The following NLGN1 variants were observed in gnomAD, a reference collection of about 807,000 sequenced individuals.
NLGN1 encodes neuroligin 1, also known as neuroligin-1.
NLGN1 carries 12 observed loss-of-function variants against 65.5 expected under a neutral mutation model. That is an observed-to-expected ratio of 0.18 (90% CI 0.12 to 0.30). NLGN1 has a LOEUF of 0.30. NLGN1 is among the 10% of genes least tolerant of loss of function. The pLI is 1.00. For missense variants in NLGN1, 750 were observed against 1,007.1 expected, an observed-to-expected ratio of 0.74 and a Z score of 3.46; for synonymous variants, 350 against 359.5, an observed-to-expected ratio of 0.97 and a Z score of 0.30.
intron 4 of NLGN1, among the ~76,000 whole-genome samples, chr3:173,933,887 A>T (rs1194001911): frequency 1.3e-5 from 2 of 151,954 alleles, no homozygotes; most frequent in African/African-American, 4.8e-5. Context: ...TTTTTTTCTT[A>T]AGATATCTGT....
intron 2 of NLGN1, among the ~76,000 whole-genome samples, chr3:173,546,407 T>C (rs2149249558): frequency 6.6e-6 from 1 of 152,326 alleles, no homozygotes; most frequent in Middle Eastern, 3.4e-3. Flanking sequence ...AGGTCCCTGA[T>C]GTACATCCAA....
At chr3:174,122,486 T>A (rs1447789891) in intron 4 of NLGN1, among the ~76,000 whole-genome samples, 1 of 152,326 alleles carries the variant, frequency 6.6e-6, no homozygotes, top group East Asian at 1.9e-4. Flanking sequence ...CCAGGATCCC[T>A]TAGTCTTTTA....
intron 2 of NLGN1, among the ~76,000 whole-genome samples, chr3:173,587,954 AAGTT>A (rs949017899): frequency 1.3e-5 from 2 of 152,180 alleles, no homozygotes; most frequent in African/African-American, 2.4e-5. Flanking sequence ...CATTAAAAAG[AAGTT>A]AGCAACACAC....
At chr3:173,709,607 G>A (rs1031228894) in intron 3 of NLGN1, among the ~76,000 whole-genome samples, 1 of 151,702 alleles carries the variant, frequency 6.6e-6, no homozygotes, top group Non-Finnish European at 1.5e-5. Context: ...TTCGAGACCA[G>A]CCTGTCCAAA....
Position 173,523,819 on chromosome 3 carries a change from G to A in NLGN1, c.-320-80460G>A, listed in dbSNP as rs780211515. 1.7e-4 allele frequency among the ~76,000 whole-genome samples: 26 copies of A among 151,262 alleles called. 1 individual carries two copies. The highest frequency in any genetic ancestry group is 3.5e-4 in the Non-Finnish European group (24 of 67,670). ...TGGCATTGACCATTTGATAGGAATT[G>A]CATTTAATCTGTAGATTGCTTTGGA... is the stretch of plus-strand genomic sequence containing the variant. On this transcript the variant is annotated intron_variant, in intron 2 of 6. Coordinates refer to ENST00000457714, the Ensembl canonical transcript of NLGN1.
intron 2 of NLGN1, among the ~76,000 whole-genome samples, chr3:173,480,160 TC>T (rs1198386312): frequency 6.6e-6 from 1 of 151,790 alleles, no homozygotes; most frequent in Non-Finnish European, 1.5e-5. Context: ...CCTCTTTTTT[TC>T]CCCCCTTTTT....
chr3:173,705,417 A>C (rs1167266426), intron 3 of NLGN1, among the ~76,000 whole-genome samples: 1 of 152,184 alleles, frequency 6.6e-6, no homozygotes, highest in Non-Finnish European at 1.5e-5. Flanking sequence ...GGGAGGGCCA[A>C]GAAAACACCT....
intron 2 of NLGN1, among the ~76,000 whole-genome samples, chr3:173,561,472 G>A (rs1371770152): frequency 6.6e-6 from 1 of 152,124 alleles, no homozygotes; most frequent in Non-Finnish European, 1.5e-5. Flanking sequence ...GAGATGAAGT[G>A]GAGGTCATGA....
At chr3:174,193,466 GT>G (rs1204759836) in intron 4 of NLGN1, among the ~76,000 whole-genome samples, 1 of 152,144 alleles carries the variant, frequency 6.6e-6, no homozygotes, top group Non-Finnish European at 1.5e-5. Flanking sequence ...AAAAAAGTAG[GT>G]TTTGAACTGC....
intron 4 of NLGN1, among the ~76,000 whole-genome samples, chr3:173,894,093 C>T (rs1735891792): frequency 6.6e-6 from 1 of 152,308 alleles, no homozygotes; most frequent in South Asian, 2.1e-4. Flanking sequence ...TTGTTGCTTT[C>T]TCTTTTATAC....
chr3:173,992,147 T>C (rs563042667), intron 4 of NLGN1, among the ~76,000 whole-genome samples: 1 of 152,272 alleles, frequency 6.6e-6, no homozygotes, highest in Admixed American at 6.5e-5. Context: ...CATATTTGCC[T>C]TTTTGCCCAC....
chr3:173,419,449 T>C (rs1714558307), intron 1 of NLGN1, among the ~76,000 whole-genome samples: 1 of 151,980 alleles, frequency 6.6e-6, no homozygotes, highest in African/African-American at 2.4e-5. Flanking sequence ...ATGTTTCTGG[T>C]CGGAGATTTT....
intron 4 of NLGN1, among the ~76,000 whole-genome samples, chr3:174,084,770 T>G (rs571830964): frequency 1.3e-3 from 194 of 152,222 alleles, no homozygotes; most frequent in Middle Eastern, 6.9e-3. Context: ...AAGTTTACAC[T>G]TTTGTAATTC....
At chr3:173,945,970 C>T (rs367987991) in intron 4 of NLGN1, among the ~76,000 whole-genome samples, 5 of 152,274 alleles carry the variant, frequency 3.3e-5, no homozygotes, top group African/African-American at 4.8e-5. Flanking sequence ...GAGTCAAATA[C>T]AATATGATTT....
intron 4 of NLGN1, among the ~76,000 whole-genome samples, chr3:173,982,110 T>G (rs1475501883): frequency 6.6e-6 from 1 of 152,130 alleles, no homozygotes; most frequent in Non-Finnish European, 1.5e-5. Flanking sequence ...TGACATTTTG[T>G]ATGGTCTTAT....
At chr3:173,686,293 GAAAC>G (rs1321184700) in intron 3 of NLGN1, among the ~76,000 whole-genome samples, 7 of 150,536 alleles carry the variant, frequency 4.7e-5, no homozygotes, top group South Asian at 2.1e-4. Flanking sequence ...AATCAAAACA[GAAAC>G]AAAATAAAAT....
intron 3 of NLGN1, among the ~76,000 whole-genome samples, chr3:173,800,621 A>G (rs1046019183): frequency 6.6e-6 from 1 of 151,352 alleles, no homozygotes; most frequent in Non-Finnish European, 1.5e-5. Flanking sequence ...CTGACTTTTG[A>G]TATGTTTCAT....
upstream of NLGN1, chr3:173,398,415 C>G (rs1717020127): frequency 6.6e-6 from 1 of 152,218 alleles, no homozygotes; most frequent in Non-Finnish European, 1.5e-5. Context: ...AATAAACTCT[C>G]CTGGGAAGAG....
intron 2 of NLGN1, among the ~76,000 whole-genome samples, chr3:173,547,899 TC>T (rs940685861): frequency 1.8e-4 from 27 of 152,056 alleles, no homozygotes; most frequent in African/African-American, 6.3e-4. Context: ...GCCAGATGTC[TC>T]CTTCTAATGG....
Sources: allele counts gnomAD v4.1 joint callset (sites outside exome capture counted in the v4.1 genomes callset), GRCh38; gene constraint gnomAD v4.1.1; transcripts MANE v1.5; gene names NCBI Gene and HGNC (gene_info 2026-07-23, HGNC 2026-07-21).